Variants in GNB1 observed in about 807,000 individuals in gnomAD.
GNB1 encodes guanine nucleotide-binding protein G(I)/G(S)/G(T) subunit beta-1.
GNB1 carries 2 observed loss-of-function variants against 42.9 expected under a neutral mutation model. The observed-to-expected ratio is 0.05, with a 90% CI of 0.02 to 0.15. GNB1 has a LOEUF of 0.15. Ranked by LOEUF, GNB1 falls within the 10% of genes least tolerant of loss-of-function variation. The pLI, the probability that GNB1 is intolerant of heterozygous loss-of-function variation, is 1.00. For synonymous variants in GNB1, 183 were observed against 174.7 expected, an observed-to-expected ratio of 1.05 and a Z score of -0.38; for missense variants, 193 against 462.2, an observed-to-expected ratio of 0.42 and a Z score of 5.34.
chr1:1,799,218 C>A (rs2100627142), intron 7 of GNB1, among the ~76,000 whole-genome samples: 1 of 152,328 alleles, frequency 6.6e-6, no homozygotes, highest in African/African-American at 2.4e-5. Context: ...CCGCGCCCAG[C>A]CCACAAACAC....
chr1:1,873,987 G>A (rs936046358), intron 1 of GNB1, among the ~76,000 whole-genome samples: 2 of 152,198 alleles, frequency 1.3e-5, no homozygotes, highest in Admixed American at 6.5e-5. Context: ...CACTTTCACA[G>A]GGGAAGGAAA....
At chr1:1,823,144 A>AG (rs1646954516) in intron 3 of GNB1, among the ~76,000 whole-genome samples, 1 of 147,002 alleles carries the variant, frequency 6.8e-6, no homozygotes, top group Non-Finnish European at 1.5e-5. Context: ...CAGGAGGCCG[A>AG]GGCAGGAGAA....
chr1:1,821,499 G>C (rs1646929392), intron 3 of GNB1, among the ~76,000 whole-genome samples: 1 of 152,182 alleles, frequency 6.6e-6, no homozygotes, highest in African/African-American at 2.4e-5. Context: ...ACTATGCTCT[G>C]CATTCTTTAA....
chr1:1,860,640 CAA>C (rs1367327181), intron 1 of GNB1, among the ~76,000 whole-genome samples: 34 of 72,760 alleles, frequency 4.7e-4, no homozygotes, highest in Admixed American at 5.9e-4. Context: ...CCATCTCCAA[CAA>C]AAAAAAAAAA....
At chr1:1,859,970 T>C (rs1648529222) in intron 1 of GNB1, among the ~76,000 whole-genome samples, 1 of 152,068 alleles carries the variant, frequency 6.6e-6, no homozygotes, top group African/African-American at 2.4e-5. Context: ...GACCAGTTAA[T>C]AGGTACAGCA....
At chr1:1,846,507 C>T (rs1647676027) in intron 1 of GNB1, among the ~76,000 whole-genome samples, 1 of 152,130 alleles carries the variant, frequency 6.6e-6, no homozygotes, top group Admixed American at 6.6e-5. Context: ...ACGGAGGTTG[C>T]AGTGAGCAGA....
chr1:1,801,264 G>A (rs1482662227), intron 7 of GNB1, among the ~76,000 whole-genome samples: 1 of 152,236 alleles, frequency 6.6e-6, no homozygotes, highest in African/African-American at 2.4e-5. Flanking sequence ...CTGGCCTCAG[G>A]TGATCTGCTT....
At chr1:1,793,513 G>C (rs1295044379) in intron 7 of GNB1, 1 of 448,122 alleles carries the variant, frequency 2.2e-6, no homozygotes, top group Admixed American at 3.4e-5. Context: ...TGGCCAGGCA[G>C]GACAGCACGT....
At chr1:1,806,427 CT>C (rs776589515) in intron 6 of GNB1, 47 bp downstream of exon 6, 1 of 1,121,750 alleles carries the variant, frequency 8.9e-7, no homozygotes, top group Admixed American at 1.7e-5. Flanking sequence ...GCTTAAAACC[CT>C]GTTTCCTGGG....
rs190965307 is a variant in GNB1 at position 1,839,195 on chromosome 1, T to C, written c.-52A>G. The C allele has an allele frequency of 2.0e-5, 3 of 152,334 alleles. No individual in the cohort carries two copies. The East Asian group carries it at 5.8e-4, about 29-fold the overall frequency. 9.4% of individuals were successfully genotyped at this position (152,334 alleles called of 1,614,324 possible). On this transcript the variant is annotated 5_prime_UTR_variant, in exon 2 of 12. Coordinates refer to ENST00000378609, the MANE Select transcript of GNB1 (RefSeq NM_002074.5). ...ATCAAATATATCAAAATTACCTTAATTCAGAAGGGCTTCTGGTCTGGTCTC... is the reference window on the plus strand; with the variant it reads ...ATCAAATATATCAAAATTACCTTAACTCAGAAGGGCTTCTGGTCTGGTCTC...
intron 3 of GNB1, among the ~76,000 whole-genome samples, chr1:1,823,062 G>A (rs1457688264): frequency 6.6e-6 from 1 of 151,724 alleles, no homozygotes; most frequent in Non-Finnish European, 1.5e-5. Context: ...CTAACACGGT[G>A]AAACCCCATC....
At chr1:1,840,891 T>C (rs116809703) in intron 1 of GNB1, among the ~76,000 whole-genome samples, 161 of 152,322 alleles carry the variant, frequency 1.1e-3, no homozygotes, top group Middle Eastern at 3.4e-3. Flanking sequence ...AGAACATTTA[T>C]TGTATTTTTT....
At chr1:1,814,609 C>T (rs1646825251) in intron 5 of GNB1, among the ~76,000 whole-genome samples, 1 of 151,780 alleles carries the variant, frequency 6.6e-6, no homozygotes, top group Non-Finnish European at 1.5e-5. Context: ...AGACCAGTGT[C>T]AGCAACAAAG....
chr1:1,868,992 G>T (rs1316622763), intron 1 of GNB1, among the ~76,000 whole-genome samples: 1 of 150,292 alleles, frequency 6.7e-6, no homozygotes, highest in African/African-American at 2.4e-5. Flanking sequence ...AGACCATCTT[G>T]GCTAACAAGG....
intron 3 of GNB1, among the ~76,000 whole-genome samples, chr1:1,819,204 A>AT (rs940429547): frequency 9.3e-5 from 14 of 150,550 alleles, no homozygotes; most frequent in South Asian, 2.1e-4. Flanking sequence ...TGTTGGTATA[A>AT]TTTTTTTTTT....
intron 1 of GNB1, among the ~76,000 whole-genome samples, chr1:1,883,566 T>C (rs921730621): frequency 6.6e-6 from 1 of 152,224 alleles, no homozygotes; most frequent in Non-Finnish European, 1.5e-5. Flanking sequence ...AGCTCTGTTA[T>C]CAGTGCCCAC....
intron 7 of GNB1, among the ~76,000 whole-genome samples, chr1:1,801,194 A>AT (rs1378543754): frequency 3.3e-5 from 5 of 152,110 alleles, no homozygotes; most frequent in Non-Finnish European, 7.4e-5. Flanking sequence ...TGCTTGGCTA[A>AT]TTTTTTTATT....
chr1:1,819,178 AGG>A, intron 3 of GNB1, among the ~76,000 whole-genome samples: 1 of 152,154 alleles, frequency 6.6e-6, no homozygotes, highest in South Asian at 2.1e-4. Flanking sequence ...AATGGCTAAC[AGG>A]TTTAAAGTTT....
At chr1:1,843,402 A>G (rs1168382481) in intron 1 of GNB1, among the ~76,000 whole-genome samples, 4 of 152,036 alleles carry the variant, frequency 2.6e-5, no homozygotes, top group Admixed American at 6.6e-5. Context: ...AAATATATAT[A>G]TATTTGTAGA....
Sources: gnomAD v4.1 joint callset for allele counts (sites outside exome capture counted in the v4.1 genomes callset) on GRCh38, gnomAD v4.1.1 for gene constraint, MANE v1.5 for transcripts, NCBI Gene and HGNC (gene_info 2026-07-23, HGNC 2026-07-21) for gene names.